Variants in INPP4B observed in about 807,000 individuals in gnomAD.
INPP4B encodes the protein inositol polyphosphate 4-phosphatase type II.
In INPP4B, 55 loss-of-function variants were observed where a neutral mutation model predicts 122.5. That is an observed-to-expected ratio of 0.45 (90% CI 0.36 to 0.56). The LOEUF is 0.56. Among genes scored for constraint, INPP4B ranks in the 20% least tolerant of loss-of-function variants. INPP4B has a pLI of 0.00. For missense variants in INPP4B, 1,000 were observed against 1,097.7 expected (o/e 0.91, Z 1.26); for synonymous variants, 403 against 388.7 (o/e 1.04, Z -0.43).
chr4:142,494,249 G>A (rs1822241687), intron 2 of INPP4B, among the ~76,000 whole-genome samples: 2 of 152,200 alleles, frequency 1.3e-5, no homozygotes, highest in Admixed American at 6.6e-5. Context: ...ACATGACTCT[G>A]AAGATTGCAA....
chr4:142,549,624 G>T (rs537290313), intron 2 of INPP4B, among the ~76,000 whole-genome samples: 5 of 152,090 alleles, frequency 3.3e-5, no homozygotes, highest in African/African-American at 1.2e-4. Context: ...ACAACGAAAG[G>T]GGCAGAGACT....
intron 24 of INPP4B, 89 bp downstream of exon 24, chr4:142,086,055 G>T: frequency 1.2e-5 from 10 of 840,912 alleles, no homozygotes; most frequent in Non-Finnish European, 2.0e-5. Flanking sequence ...AACCCAAAGT[G>T]CAGAGGTTGG....
At chr4:142,499,273 A>C (rs571694743) in intron 2 of INPP4B, among the ~76,000 whole-genome samples, 10 of 152,142 alleles carry the variant, frequency 6.6e-5, no homozygotes, top group Admixed American at 2.6e-4. Flanking sequence ...TCAAGAAGCA[A>C]ATAATACAGC....
intron 11 of INPP4B, among the ~76,000 whole-genome samples, chr4:142,239,884 T>C (rs1858439457): frequency 6.6e-6 from 1 of 152,094 alleles, no homozygotes; most frequent in African/African-American, 2.4e-5. Flanking sequence ...AACCTCTTTT[T>C]TTTTCATGAT....
chr4:142,518,729 C>T (rs1230602337), intron 2 of INPP4B: 2 of 152,174 alleles, frequency 1.3e-5, no homozygotes, highest in Non-Finnish European at 2.9e-5. Flanking sequence ...GTAAAAAAGA[C>T]ACTCAAGTAG....
chr4:142,290,152 A>G (rs944663375), intron 9 of INPP4B, among the ~76,000 whole-genome samples: 1 of 142,640 alleles, frequency 7.0e-6, no homozygotes, highest in South Asian at 2.2e-4. Context: ...TCATTTCTAT[A>G]CCACCTGGAA....
At chr4:142,197,036 G>T (rs997690287) in intron 14 of INPP4B, among the ~76,000 whole-genome samples, 5 of 145,476 alleles carry the variant, frequency 3.4e-5, no homozygotes, top group African/African-American at 1.3e-4. Flanking sequence ...TGAGGCAGGA[G>T]AATCGCATGA....
At chr4:142,562,897 G>T (rs998971455) in intron 2 of INPP4B, among the ~76,000 whole-genome samples, 2 of 151,990 alleles carry the variant, frequency 1.3e-5, no homozygotes, top group African/African-American at 2.4e-5. Context: ...CATTGTAGTT[G>T]AATTTCCCAG....
At chr4:142,774,622 ATC>A (rs760036401) in intron 1 of INPP4B, among the ~76,000 whole-genome samples, 3 of 152,178 alleles carry the variant, frequency 2.0e-5, no homozygotes, top group Non-Finnish European at 2.9e-5. Flanking sequence ...CATCAATATT[ATC>A]TCTTTCATTT....
rs553640493 is a variant in INPP4B, at chr4:142,449,139, G to T, written c.-127+13524C>A. On this transcript the variant is annotated intron_variant, in intron 3 of 25. Transcript: ENST00000262992. ...AAAAATAAAGATGAGAGTTGTCAGGGCTCCAGTATGACAAAATATCCTGAA... is the reference window on the plus strand; with the variant it reads ...AAAAATAAAGATGAGAGTTGTCAGGTCTCCAGTATGACAAAATATCCTGAA... Among the ~76,000 whole-genome samples, 3 of 152,252 alleles carry T rather than the reference G, an allele frequency of 2.0e-5. No homozygotes were observed. The South Asian group carries it at 6.2e-4, about 32-fold the overall frequency.
At chr4:142,615,125 GTTTA>G (rs1287233928) in intron 2 of INPP4B, among the ~76,000 whole-genome samples, 1 of 152,018 alleles carries the variant, frequency 6.6e-6, no homozygotes, top group African/African-American at 2.4e-5. Context: ...TTTTTTATTT[GTTTA>G]TTTATTTTTA....
chr4:142,743,425 C>T (rs1768189983), intron 1 of INPP4B, among the ~76,000 whole-genome samples: 1 of 151,932 alleles, frequency 6.6e-6, no homozygotes, highest in Admixed American at 6.6e-5. Context: ...GCAGAATTCC[C>T]TGTGAATTCT....
At chr4:142,361,808 T>C (rs147741554) in intron 7 of INPP4B, among the ~76,000 whole-genome samples, 2 of 152,058 alleles carry the variant, frequency 1.3e-5, no homozygotes, top group African/African-American at 2.4e-5. Flanking sequence ...ATATATATGA[T>C]AGTAGACAAA....
At chr4:142,467,716 G>T (rs2149649971) in intron 2 of INPP4B, among the ~76,000 whole-genome samples, 1 of 152,088 alleles carries the variant, frequency 6.6e-6, no homozygotes, top group Admixed American at 6.5e-5. Flanking sequence ...GAGATTTCGG[G>T]GTCCAGGGGC....
intron 25 of INPP4B, among the ~76,000 whole-genome samples, chr4:142,081,656 T>C (rs1393192451): frequency 6.6e-6 from 1 of 152,178 alleles, no homozygotes; most frequent in South Asian, 2.1e-4. Flanking sequence ...TAAATACTTA[T>C]GCATCATGAA....
intron 14 of INPP4B, among the ~76,000 whole-genome samples, chr4:142,195,394 T>C (rs1579248739): frequency 6.6e-6 from 1 of 152,180 alleles, no homozygotes; most frequent in East Asian, 1.9e-4. Context: ...CTGTATTATT[T>C]ACTTAAAAAT....
At chr4:142,200,450 G>T (rs546125405) in intron 14 of INPP4B, among the ~76,000 whole-genome samples, 1 of 151,960 alleles carries the variant, frequency 6.6e-6, no homozygotes, top group East Asian at 1.9e-4. Flanking sequence ...CTGCTACTAT[G>T]GTGTCACTGC....
At chr4:142,071,165 C>T (rs1017446921) in intron 25 of INPP4B, among the ~76,000 whole-genome samples, 2 of 152,046 alleles carry the variant, frequency 1.3e-5, no homozygotes, top group Non-Finnish European at 2.9e-5. Flanking sequence ...AAAACAGAGT[C>T]CTCAGAAATA....
intron 23 of INPP4B, among the ~76,000 whole-genome samples, chr4:142,103,964 T>C (rs1346345600): frequency 6.6e-6 from 1 of 152,138 alleles, no homozygotes; most frequent in African/African-American, 2.4e-5. Flanking sequence ...AAATATTATA[T>C]AAAAAGTATA....
Sources: allele counts gnomAD v4.1 joint callset (sites outside exome capture counted in the v4.1 genomes callset), GRCh38; gene constraint gnomAD v4.1.1; transcripts MANE v1.5; gene names NCBI Gene and HGNC (gene_info 2026-07-23, HGNC 2026-07-21).